The following OR4D10 variants were observed in gnomAD, a reference collection of about 807,000 sequenced individuals.
OR4D10 encodes olfactory receptor 4D10.
For missense variants in OR4D10, 395 were observed against 378.0 expected, an observed-to-expected ratio of 1.04 and a Z score of -0.37; for synonymous variants, 188 against 153.2, an observed-to-expected ratio of 1.23 and a Z score of -1.68.
Position 59,477,357 on chromosome 11 carries a change from G to A in OR4D10, c.-73G>A. The A allele has an allele frequency of 8.6e-7, 1 of 1,164,130 alleles. No homozygotes were observed. The highest frequency in any genetic ancestry group is 1.7e-5 in the South Asian group (1 of 59,598). The allele number at this position is 1,164,130 out of a possible 1,614,324, so 72.1% of individuals were successfully genotyped here. On this transcript the variant is annotated 5_prime_UTR_variant, in exon 3 of 3. Transcript: ENST00000530162. ...GCACTGCATTCTAGGTGTTTAGGAA[G>A]ACAACAAAATAAATATCCCAGTGCT...
intron 2 of OR4D10, among the ~76,000 whole-genome samples, chr11:59,474,931 T>C (rs186590004): frequency 5.6e-4 from 85 of 150,994 alleles, no homozygotes; most frequent in African/African-American, 2.0e-3. Flanking sequence ...CGTGGTGGCG[T>C]TCACCAGTAG....
intron 2 of OR4D10, among the ~76,000 whole-genome samples, chr11:59,474,371 G>A (rs1858876968): frequency 6.6e-6 from 1 of 152,042 alleles, no homozygotes. Flanking sequence ...TTCCATTTCT[G>A]TTGGTCTGTA....
At chr11:59,475,192 A>G (rs974137567) in intron 2 of OR4D10, among the ~76,000 whole-genome samples, 6 of 152,058 alleles carry the variant, frequency 3.9e-5, no homozygotes, top group East Asian at 3.8e-4. Flanking sequence ...CCATTCATTC[A>G]CCAACCAAAC....
intron 2 of OR4D10, among the ~76,000 whole-genome samples, chr11:59,476,372 C>T (rs1232593856): frequency 6.6e-6 from 1 of 151,956 alleles, no homozygotes; most frequent in Non-Finnish European, 1.5e-5. Flanking sequence ...GGGTCTATAC[C>T]CTCACTCAGT....
At chr11:59,475,985 G>A (rs1428535102) in intron 2 of OR4D10, among the ~76,000 whole-genome samples, 1 of 152,172 alleles carries the variant, frequency 6.6e-6, no homozygotes, top group Non-Finnish European at 1.5e-5. Context: ...ATCATATGTT[G>A]TAACACATGT....
intron 2 of OR4D10, among the ~76,000 whole-genome samples, chr11:59,475,442 C>T (rs910210608): frequency 6.6e-6 from 1 of 152,084 alleles, no homozygotes; most frequent in Non-Finnish European, 1.5e-5. Context: ...GGAAAACTTC[C>T]CCTCCTCTAG....
At chr11:59,474,625 T>C (rs1357110995) in intron 2 of OR4D10, among the ~76,000 whole-genome samples, 1 of 152,150 alleles carries the variant, frequency 6.6e-6, no homozygotes, top group African/African-American at 2.4e-5. Flanking sequence ...TGATACAGTA[T>C]CCGCTGCCTC....
chr11:59,477,551 G>T lies in OR4D10; in HGVS notation c.122G>T (p.Gly41Val). The change falls in exon 3 of 3, where the codon GGA becomes GTA. Residue 41 changes from glycine (G) to valine (V), a missense_variant. Physicochemically the swap from Gly to Val is moderately radical, Grantham distance 109. Coordinates refer to ENST00000530162, the MANE Select transcript of OR4D10 (RefSeq NM_001004705.2). ...LLLVYVTTLL[G>V]NLLIMVTVTC... ...TTGGTGTATGTGACAACTTTGCTGG[G>T]AAACCTCCTCATCATGGTCACTGTT... 1.2e-6 allele frequency: 2 copies of T among 1,614,034 alleles called. No individual in the cohort carries two copies. Among genetic ancestry groups the T allele is most frequent in the East Asian group, 2.2e-5 (1 of 44,890 alleles).
At chr11:59,474,321 A>G (rs1858876303) in intron 2 of OR4D10, among the ~76,000 whole-genome samples, 4 of 152,114 alleles carry the variant, frequency 2.6e-5, no homozygotes, top group Non-Finnish European at 5.9e-5. Context: ...AACACGTCTC[A>G]CTTTTTATCG....
chr11:59,478,291 A>G lies in OR4D10; in HGVS notation c.862A>G (p.Thr288Ala), dbSNP rs770174283. 4.3e-6 allele frequency: 7 copies of G among 1,613,814 alleles called. No individual in the cohort carries two copies. The highest frequency in any genetic ancestry group is 1.3e-5 in the African/African-American group (1 of 74,846). ...CCCTCTGCTCAACCCCTTGATCTAC[A>G]CTCTGAGGAACCATGAGATGAAGTC... ...ISPLLNPLIY[T>A]LRNHEMKSAM... The change falls in exon 3 of 3, where the codon ACT becomes GCT. Residue 288 changes from threonine to alanine, a missense_variant. By Grantham distance (58) the Thr-to-Ala change is moderately conservative (BLOSUM62 0). Coordinates refer to ENST00000530162, the MANE Select transcript of OR4D10 (RefSeq NM_001004705.2).
chr11:59,474,346 T>C (rs957840176), intron 2 of OR4D10, among the ~76,000 whole-genome samples: 1 of 152,236 alleles, frequency 6.6e-6, no homozygotes, highest in African/African-American at 2.4e-5. Flanking sequence ...TCATCTTCAC[T>C]TATTTGCACA....
rs1858936638 is a variant in OR4D10, at chr11:59,478,512, A to G, written c.*147A>G. On this transcript the variant is annotated 3_prime_UTR_variant, in exon 3 of 3. Coordinates refer to ENST00000530162, the MANE Select transcript of OR4D10 (RefSeq NM_001004705.2). The stretch of plus-strand genomic sequence containing the variant: ...TTCTATTTATGTTAGTAAGTAACTG[A>G]TAAGCTTCTGGTCAGGGAGAGATTC... 5.3e-6 allele frequency: 3 copies of G among 562,276 alleles called. No homozygotes were observed. The African/African-American group carries it at 5.7e-5, about 11-fold the overall frequency. 34.8% of individuals were successfully genotyped at this position (562,276 alleles called of 1,614,324 possible). A position where few individuals can be genotyped will look rare whatever the true frequency, so the allele number is the denominator to read the frequency against.
chr11:59,473,911 G>C (rs935346905), intron 2 of OR4D10, 118 bp downstream of exon 2: 3 of 152,218 alleles, frequency 2.0e-5, no homozygotes, highest in Non-Finnish European at 4.4e-5. Context: ...TTGCTTATGT[G>C]TGAGGCCACC....
In OR4D10 at chr11:59,478,568, C is replaced by A; in HGVS notation, c.*203C>A. On this transcript the variant is annotated 3_prime_UTR_variant, in exon 3 of 3. Transcript: ENST00000530162. ...TTCTAATTGAAAATAAACCAGAGCTCCCTCCTCTTTACCACCAAGATTTTG... is the reference window on the plus strand; with the variant it reads ...TTCTAATTGAAAATAAACCAGAGCTACCTCCTCTTTACCACCAAGATTTTG... The A allele has an allele frequency of 4.9e-6, 2 of 408,310 alleles. No homozygotes were observed. The highest frequency in any genetic ancestry group is 8.6e-6 in the Non-Finnish European group (2 of 233,626). The allele number at this position is 408,310 out of a possible 1,614,324, so 25.3% of individuals were successfully genotyped here. A position where few individuals can be genotyped will look rare whatever the true frequency, so the allele number is the denominator to read the frequency against.
rs541265394 is a variant in OR4D10 at position 59,473,809 on chromosome 11, T to C, written c.-169+16T>C. 7 of 152,272 alleles carry C rather than the reference T, an allele frequency of 4.6e-5. No individual in the cohort carries two copies. The East Asian group carries it at 1.3e-3, about 29-fold the overall frequency. 9.4% of individuals were successfully genotyped at this position (152,272 alleles called of 1,614,324 possible). A position where few individuals can be genotyped will look rare whatever the true frequency, so the allele number is the denominator to read the frequency against. ...AACAACAAAGGTGGGTGTTAAACAT[T>C]GGAAAAAATGATATTGTGTTAAGGG... On this transcript the variant is annotated intron_variant, in intron 2 of 2. Transcript: ENST00000530162.
At position 59,478,374 on chromosome 11, in the gene OR4D10, AT is replaced by A. The variant is rs767875341; in HGVS notation, c.*10del. 3 of 1,539,586 alleles carry A rather than the reference AT, an allele frequency of 1.9e-6. No homozygotes were observed. The East Asian group carries it at 6.8e-5, about 35-fold the overall frequency. ...CTTCTGATAGAAAATAGAAAAAAAA[AT>A]CCTCAGCTCTTCATCACCAAAGATA... is the stretch of plus-strand genomic sequence containing the variant. On this transcript the variant is annotated 3_prime_UTR_variant, in exon 3 of 3. Transcript: ENST00000530162.
rs1858929601 is a variant in OR4D10 at position 59,478,073 on chromosome 11, T to C, written c.644T>C (p.Leu215Pro). 4.3e-6 allele frequency: 7 copies of C among 1,614,206 alleles called. No individual in the cohort carries two copies. Among genetic ancestry groups the C allele is most frequent in the African/African-American group, 2.7e-5 (2 of 75,040 alleles). ...ACCACACTGTGGTTTTTCCTGCTCCTGGTGTCCTACATAGTCATATTATCA... is the reference window on the plus strand; with the variant it reads ...ACCACACTGTGGTTTTTCCTGCTCCCGGTGTCCTACATAGTCATATTATCA... ...LLTTLWFFLLLVSYIVILSLP... is the reference protein window; with the variant it reads ...LLTTLWFFLLPVSYIVILSLP... Residue 215 changes from leucine (L) to proline (P), a missense_variant, in exon 3 of 3, where the codon CTG becomes CCG. Coordinates refer to ENST00000530162, the MANE Select transcript of OR4D10 (RefSeq NM_001004705.2).
Position 59,477,901 on chromosome 11 carries a change from G to T in OR4D10, c.472G>T (p.Val158Leu). 1.9e-6 allele frequency: 3 copies of T among 1,614,062 alleles called. No individual in the cohort carries two copies. Among genetic ancestry groups the T allele is most frequent in the East Asian group, 2.2e-5 (1 of 44,878 alleles). ...GTTGGGGGGCTTTGTCCACTCCATC[G>T]TGCAGATTTCCCTGTTGCTCCCACT... is the stretch of plus-strand genomic sequence containing the variant. ...AWLGGFVHSIVQISLLLPLPF... is the reference protein window; with the variant it reads ...AWLGGFVHSILQISLLLPLPF... The change falls in exon 3 of 3, where the codon GTG becomes TTG. Residue 158 changes from valine to leucine, a missense_variant. Coordinates refer to ENST00000530162, the MANE Select transcript of OR4D10 (RefSeq NM_001004705.2).
chr11:59,477,964 T>A lies in OR4D10; in HGVS notation c.535T>A (p.Cys179Ser). ...CGPNVLDTFY[C>S]DVHRVLKLAH... ...ACCCAATGTTCTTGACACTTTCTAC[T>A]GTGATGTCCACCGGGTCCTCAAACT... The change falls in exon 3 of 3, where the codon TGT becomes AGT. Residue 179 changes from cysteine (C) to serine (S), a missense_variant. By Grantham distance (112) the Cys-to-Ser change is moderately radical. Coordinates refer to ENST00000530162, the MANE Select transcript of OR4D10 (RefSeq NM_001004705.2). The A allele has an allele frequency of 1.9e-6, 3 of 1,614,196 alleles. No homozygotes were observed. Among genetic ancestry groups the A allele is most frequent in the Non-Finnish European group, 2.5e-6 (3 of 1,180,034 alleles).
Sources: allele counts gnomAD v4.1 joint callset (sites outside exome capture counted in the v4.1 genomes callset), GRCh38; gene constraint gnomAD v4.1.1; transcripts MANE v1.5; gene names NCBI Gene and HGNC (gene_info 2026-07-23, HGNC 2026-07-21).